Variants in DOCK9 observed in about 807,000 individuals in gnomAD.
DOCK9 encodes dedicator of cytokinesis 9.
A neutral mutation model predicts 263.3 loss-of-function variants in DOCK9; 89 were observed. The observed-to-expected ratio is 0.34, with a 90% confidence interval of 0.28 to 0.40. The LOEUF (loss-of-function observed/expected upper bound fraction) is 0.40. DOCK9 is among the 10% of genes least tolerant of loss of function. The pLI is 1.00. For synonymous variants in DOCK9, 976 were observed against 973.1 expected (o/e 1.00, Z -0.06); for missense variants, 2,140 against 2,603.4 (o/e 0.82, Z 3.87).
chr13:98,824,581 G>T, intron 44 of DOCK9, 77 bp from the exon 45 acceptor site: 2 of 1,256,562 alleles, frequency 1.6e-6, no homozygotes, highest in East Asian at 2.4e-5. Flanking sequence ...TTCCTGCCCT[G>T]TGTGTTTCTG....
chr13:99,044,178 G>A (rs1566347592), intron 1 of DOCK9, among the ~76,000 whole-genome samples: 1 of 152,106 alleles, frequency 6.6e-6, no homozygotes, highest in African/African-American at 2.4e-5. Flanking sequence ...GGAAAGCCAG[G>A]GCCAACCCTG....
At chr13:98,859,101 C>G (rs1478910240) in intron 33 of DOCK9, 1 of 152,244 alleles carries the variant, frequency 6.6e-6, no homozygotes, top group Admixed American at 6.5e-5. Context: ...AAGGCTGCAT[C>G]TGTCTGACTT....
At chr13:98,794,783 C>T in intron 52 of DOCK9, 35 bp from the exon 53 acceptor site, 1 of 1,611,270 alleles carries the variant, frequency 6.2e-7, no homozygotes, top group Non-Finnish European at 8.5e-7. Context: ...CTGAGGGCAA[C>T]ACAAGGTTAC....
At chr13:98,865,291 C>T (rs568962999) in intron 30 of DOCK9, among the ~76,000 whole-genome samples, 1 of 152,176 alleles carries the variant, frequency 6.6e-6, no homozygotes, top group South Asian at 2.1e-4. Context: ...AGGATGATCT[C>T]GAACTCCTAG....
At chr13:98,851,404 G>A (rs1594672591) in intron 35 of DOCK9, among the ~76,000 whole-genome samples, 1 of 152,320 alleles carries the variant, frequency 6.6e-6, no homozygotes, top group East Asian at 1.9e-4. Flanking sequence ...GGCCATCAGG[G>A]TATGGTGAGC....
chr13:98,867,701 T>C (rs2094071253), intron 29 of DOCK9, among the ~76,000 whole-genome samples, 165 bp from the exon 30 acceptor site: 1 of 152,090 alleles, frequency 6.6e-6, no homozygotes, highest in Non-Finnish European at 1.5e-5. Flanking sequence ...CTGCAGGGAT[T>C]GATTTGAAAA....
intron 1 of DOCK9, among the ~76,000 whole-genome samples, chr13:98,995,772 G>T (rs555286125): frequency 6.6e-6 from 1 of 152,258 alleles, no homozygotes; most frequent in African/African-American, 2.4e-5. Flanking sequence ...ACAGGTGTGA[G>T]CCACTGCGCC....
intron 15 of DOCK9, among the ~76,000 whole-genome samples, chr13:98,894,057 C>A (rs2047021336): frequency 6.6e-6 from 1 of 152,128 alleles, no homozygotes; most frequent in Non-Finnish European, 1.5e-5. Flanking sequence ...TTCTGCCTGG[C>A]CACAGGCTTT....
At chr13:98,826,770 C>G in intron 44 of DOCK9, 60 bp downstream of exon 44, 2 of 1,367,750 alleles carry the variant, frequency 1.5e-6, no homozygotes, top group Middle Eastern at 1.8e-4. Context: ...TCTCACTTGT[C>G]TGCTGCTTTG....
chr13:98,846,566 A>C (rs2093398948), intron 37 of DOCK9: 4 of 1,351,930 alleles, frequency 3.0e-6, no homozygotes, highest in South Asian at 1.1e-5. Flanking sequence ...ACTTGTCAGC[A>C]GTCAAGTAGA....
rs568731144 is a variant in DOCK9 at position 98,842,011 on chromosome 13, ATATAT to A, written c.4198+3908_4198+3912del. 8.6e-3 allele frequency among the ~76,000 whole-genome samples: 1,317 copies of A among 152,274 alleles called. 7 individuals carry two copies. The highest frequency in any genetic ancestry group is 0.015 in the Non-Finnish European group (1,022 of 68,028). On this transcript the variant is annotated intron_variant, in intron 38 of 52. Transcript: ENST00000682017. ...AAGCACATTTTATCCAATTTTAAAG[ATATAT>A]TATCCATGCTTTAAAACTTTTGGAA...
At chr13:99,083,894 TA>T (rs1459848691) in intron 1 of DOCK9, among the ~76,000 whole-genome samples, 1 of 152,252 alleles carries the variant, frequency 6.6e-6, no homozygotes, top group African/African-American at 2.4e-5. Flanking sequence ...TAATTTTTTT[TA>T]AATCCATCTG....
intron 2 of DOCK9, among the ~76,000 whole-genome samples, chr13:98,937,575 T>C (rs1206379444): frequency 2.6e-5 from 4 of 152,076 alleles, no homozygotes; most frequent in East Asian, 1.9e-4. Flanking sequence ...AGGAGTCTTA[T>C]AGGAAGTTCC....
At chr13:98,932,540 T>C (rs73562500) in intron 2 of DOCK9, among the ~76,000 whole-genome samples, 1 of 152,230 alleles carries the variant, frequency 6.6e-6, no homozygotes, top group Non-Finnish European at 1.5e-5. Context: ...TCTCACAGCA[T>C]TGGTCCTGGC....
chr13:98,941,892 T>C (rs1186498769), intron 2 of DOCK9, among the ~76,000 whole-genome samples: 1 of 152,214 alleles, frequency 6.6e-6, no homozygotes, highest in Non-Finnish European at 1.5e-5. Context: ...CGTGCAGAGC[T>C]CTCCTGGATG....
At chr13:98,810,526 A>G (rs2091212037) in intron 45 of DOCK9, among the ~76,000 whole-genome samples, 1 of 152,208 alleles carries the variant, frequency 6.6e-6, no homozygotes, top group Non-Finnish European at 1.5e-5. Flanking sequence ...AGCAAAAACG[A>G]AAAAGGATCA....
intron 36 of DOCK9, 138 bp downstream of exon 36, chr13:98,849,909 G>A: frequency 6.3e-6 from 4 of 638,538 alleles, no homozygotes; most frequent in Non-Finnish European, 5.5e-6. Flanking sequence ...TTAGGGCCAA[G>A]ACCATGAGAA....
intron 1 of DOCK9, among the ~76,000 whole-genome samples, chr13:98,983,137 A>G (rs1351413111): frequency 6.6e-6 from 1 of 152,232 alleles, no homozygotes; most frequent in Non-Finnish European, 1.5e-5. Flanking sequence ...ATATGCATAC[A>G]CACACATATG....
intron 1 of DOCK9, among the ~76,000 whole-genome samples, chr13:99,062,644 G>A (rs1294538273): frequency 1.3e-5 from 2 of 152,168 alleles, no homozygotes; most frequent in Non-Finnish European, 2.9e-5. Flanking sequence ...ATCGCCATCC[G>A]CTGCCTGCTT....
Sources: gnomAD v4.1 joint callset for allele counts (sites outside exome capture counted in the v4.1 genomes callset) on GRCh38, gnomAD v4.1.1 for gene constraint, MANE v1.5 for transcripts, NCBI Gene and HGNC (gene_info 2026-07-23, HGNC 2026-07-21) for gene names.